ALDH2: variants seen among roughly 807,000 people sequenced by gnomAD.
ALDH2 encodes the protein aldehyde dehydrogenase 2 family member, also known as aldehyde dehydrogenase, mitochondrial.
A neutral mutation model predicts 59.6 loss-of-function variants in ALDH2; 44 were observed. That is an observed-to-expected ratio of 0.74 (90% CI 0.58 to 0.95). The LOEUF (loss-of-function observed/expected upper bound fraction) is 0.95, where lower values mean the gene tolerates loss of function less well. ALDH2 is among the 40% of genes least tolerant of loss of function. The pLI is 0.00. For missense variants in ALDH2, 570 were observed against 696.3 expected, an observed-to-expected ratio of 0.82 and a Z score of 2.04; for synonymous variants, 291 against 284.0, an observed-to-expected ratio of 1.02 and a Z score of -0.25.
At chr12:111,796,904 C>A (rs79481577) in intron 9 of ALDH2, among the ~76,000 whole-genome samples, 4,388 of 139,966 alleles carry the variant, frequency 0.031, 231 homozygotes, top group African/African-American at 0.11. Context: ...GACCCTGTCG[C>A]CCTTCTCCCC....
rs912811130 is a variant in ALDH2, at chr12:111,766,973, G to T, written c.-10G>T. 22 of 1,520,618 alleles carry T rather than the reference G, an allele frequency of 1.4e-5. No homozygotes were observed. In the South Asian group the frequency reaches 1.4e-4, roughly 10 times the overall value. 94.2% of individuals were successfully genotyped at this position (1,520,618 alleles called of 1,614,324 possible). On this transcript the variant is annotated 5_prime_UTR_variant, in exon 1 of 13. Coordinates refer to ENST00000261733, the MANE Select transcript of ALDH2 (RefSeq NM_000690.4). ...CTCTCGGTCCGCTCGCTGTCCGCTA[G>T]CCCGCTGCGATGTTGCGCGCTGCCG... is the stretch of plus-strand genomic sequence containing the variant.
intron 12 of ALDH2, among the ~76,000 whole-genome samples, chr12:111,808,300 G>A (rs1179688594): frequency 1.3e-5 from 2 of 152,212 alleles, no homozygotes; most frequent in Non-Finnish European, 2.9e-5. Context: ...TTTTGGAGAT[G>A]ATGCAGATGT....
chr12:111,794,868 A>G (rs984334352), intron 9 of ALDH2, among the ~76,000 whole-genome samples: 3 of 152,142 alleles, frequency 2.0e-5, no homozygotes, highest in Non-Finnish European at 1.5e-5. Flanking sequence ...AAAATGCACC[A>G]TTTTAGTGTA....
At chr12:111,792,470 C>T in intron 8 of ALDH2, 128 bp from the exon 9 acceptor site, 1 of 1,129,082 alleles carries the variant, frequency 8.9e-7, no homozygotes, top group Non-Finnish European at 1.2e-6. Context: ...CTCCCTGTAT[C>T]TGTCTCTGGC....
At chr12:111,807,713 G>T (rs1481327496) in intron 12 of ALDH2, among the ~76,000 whole-genome samples, 2 of 152,150 alleles carry the variant, frequency 1.3e-5, no homozygotes, top group African/African-American at 4.8e-5. Context: ...TCCAGGAACT[G>T]CAGGAAGGTT....
intron 1 of ALDH2, among the ~76,000 whole-genome samples, chr12:111,781,166 T>A (rs887363061): frequency 5.9e-5 from 9 of 151,976 alleles, no homozygotes; most frequent in Admixed American, 5.9e-4. Context: ...AACAAATTTG[T>A]GTGGGAGTGG....
At chr12:111,784,030 A>AG (rs1414345645) in intron 3 of ALDH2, among the ~76,000 whole-genome samples, 1 of 152,230 alleles carries the variant, frequency 6.6e-6, no homozygotes, top group Non-Finnish European at 1.5e-5. Flanking sequence ...CAAACCTTCC[A>AG]GAAGGCAGAT....
chr12:111,779,112 T>A (rs1167781948), intron 1 of ALDH2, among the ~76,000 whole-genome samples: 1 of 152,138 alleles, frequency 6.6e-6, no homozygotes, highest in Non-Finnish European at 1.5e-5. Context: ...CACCTTGGCC[T>A]CCCAAATTGT....
chr12:111,800,342 A>T (rs1185016190), intron 11 of ALDH2, among the ~76,000 whole-genome samples: 1 of 152,216 alleles, frequency 6.6e-6, no homozygotes, highest in Non-Finnish European at 1.5e-5. Flanking sequence ...GGGACCCATG[A>T]TTGTGACACT....
chr12:111,813,262 GCA>G lies in ALDH2; in HGVS notation c.*3690_*3691del. On this transcript the variant is annotated 3_prime_UTR_variant, in exon 13 of 13. Coordinates refer to ENST00000261733, the MANE Select transcript of ALDH2 (RefSeq NM_000690.4). ...GCCTCCACTTGTGGCTGCACAGAGGGCACAGAGAGCTTTTCCTTCAGCCCGGA... is the reference window on the plus strand; with the variant it reads ...GCCTCCACTTGTGGCTGCACAGAGGGCAGAGAGCTTTTCCTTCAGCCCGGA... The G allele has an allele frequency of 6.6e-6, 1 of 152,308 alleles. No individual in the cohort carries two copies. Among genetic ancestry groups the G allele is most frequent in the East Asian group, 1.9e-4 (1 of 5,188 alleles). The allele number at this position is 152,308 out of a possible 1,614,324, so 9.4% of individuals were successfully genotyped here. A position where few individuals can be genotyped will look rare whatever the true frequency, so the allele number is the denominator to read the frequency against.
At chr12:111,802,448 G>A (rs1198266022) in intron 11 of ALDH2, among the ~76,000 whole-genome samples, 1 of 151,740 alleles carries the variant, frequency 6.6e-6, no homozygotes, top group African/African-American at 2.4e-5. Context: ...GGGCGCAGTG[G>A]TGGGCACCTG....
chr12:111,784,046 A>G (rs1396387820), intron 3 of ALDH2, among the ~76,000 whole-genome samples: 1 of 152,332 alleles, frequency 6.6e-6, no homozygotes, highest in African/African-American at 2.4e-5. Flanking sequence ...CAGATTATAC[A>G]TGGCACTCTG....
chr12:111,806,988 C>A (rs747793810), intron 12 of ALDH2, among the ~76,000 whole-genome samples: 1 of 150,866 alleles, frequency 6.6e-6, no homozygotes, highest in African/African-American at 2.4e-5. Flanking sequence ...ACAAACAGAC[C>A]GGGCATGGTG....
chr12:111,776,671 G>A (rs2068237410), intron 1 of ALDH2, among the ~76,000 whole-genome samples: 1 of 151,944 alleles, frequency 6.6e-6, no homozygotes, highest in Non-Finnish European at 1.5e-5. Context: ...CTTTGAGGTT[G>A]GTGCTTTTTA....
intron 1 of ALDH2, among the ~76,000 whole-genome samples, chr12:111,778,211 G>C (rs1220099451): frequency 6.6e-6 from 1 of 152,142 alleles, no homozygotes; most frequent in Non-Finnish European, 1.5e-5. Flanking sequence ...AAGACACAGG[G>C]GTGAGGTGCT....
At chr12:111,800,775 T>C (rs1025330139) in intron 11 of ALDH2, among the ~76,000 whole-genome samples, 2 of 152,100 alleles carry the variant, frequency 1.3e-5, no homozygotes, top group Non-Finnish European at 2.9e-5. Context: ...CCTCAAAAAG[T>C]TAAACATGAA....
chr12:111,813,984 C>A lies in ALDH2; in HGVS notation c.*4409C>A, dbSNP rs2136033054. 6.6e-6 allele frequency: 1 copy of A among 152,458 alleles called. No individual in the cohort carries two copies. The highest frequency in any genetic ancestry group is 1.9e-4 in the East Asian group (1 of 5,188). The allele number at this position is 152,458 out of a possible 1,614,324, so 9.4% of individuals were successfully genotyped here. A position where few individuals can be genotyped will look rare whatever the true frequency, so the allele number is the denominator to read the frequency against. On this transcript the variant is annotated 3_prime_UTR_variant, in exon 13 of 13. Coordinates refer to ENST00000261733, the MANE Select transcript of ALDH2 (RefSeq NM_000690.4). ...CAGTGGCTCACACCCGTAATCCCAG[C>A]ACTTTGGGAGGCCGAGGTGGGCGGA...
intron 4 of ALDH2, 104 bp downstream of exon 4, chr12:111,785,450 G>T: frequency 2.0e-6 from 2 of 995,552 alleles, no homozygotes; most frequent in Non-Finnish European, 1.6e-6. Flanking sequence ...GGGGCAGAGC[G>T]CGGTATCTCA....
chr12:111,790,565 G>A lies in ALDH2; in HGVS notation c.681+3G>A, dbSNP rs773099733. Reference sequence around the variant, plus strand: ...ATGTGGCCAACCTGATCAAGGAGGTGCGTGGCTTATCCTGGTCTTAACCTC... The same window carrying A: ...ATGTGGCCAACCTGATCAAGGAGGTACGTGGCTTATCCTGGTCTTAACCTC... On this transcript the variant is annotated splice_donor_region_variant and intron_variant, in intron 6 of 12. Transcript: ENST00000261733. The A allele has an allele frequency of 6.8e-6, 11 of 1,614,018 alleles. No individual in the cohort carries two copies. The highest frequency in any genetic ancestry group is 6.7e-5 in the East Asian group (3 of 44,884).
Sources: gnomAD v4.1 joint callset for allele counts (sites outside exome capture counted in the v4.1 genomes callset) on GRCh38, gnomAD v4.1.1 for gene constraint, MANE v1.5 for transcripts, NCBI Gene and HGNC (gene_info 2026-07-23, HGNC 2026-07-21) for gene names.